Variants in NPAS3 observed in about 807,000 individuals in gnomAD.
The protein encoded by NPAS3 is neuronal PAS domain protein 3.
In NPAS3, 14 loss-of-function variants were observed where a neutral mutation model predicts 73.1. The ratio of observed to expected loss-of-function variants is 0.19; its 90% CI spans 0.13 to 0.30. The LOEUF (loss-of-function observed/expected upper bound fraction) is 0.30, where lower values mean the gene tolerates loss of function less well. Ranked by LOEUF, NPAS3 falls within the 10% of genes least tolerant of loss-of-function variation. The probability of loss-of-function intolerance (pLI) is 1.00; values close to 1 mark genes in which losing one functional copy is unlikely to be tolerated. For synonymous variants in NPAS3, 620 were observed against 541.5 expected, an observed-to-expected ratio of 1.14 and a Z score of -2.01; for missense variants, 1,096 against 1,250.0, an observed-to-expected ratio of 0.88 and a Z score of 1.86.
intron 6 of NPAS3, among the ~76,000 whole-genome samples, chr14:33,705,499 T>A (rs112348280): frequency 6.6e-6 from 1 of 152,234 alleles, no homozygotes. Context: ...AATCGGCTAC[T>A]GTATTTAAAT....
chr14:33,478,308 A>G (rs1268157909), intron 4 of NPAS3, among the ~76,000 whole-genome samples: 2 of 152,158 alleles, frequency 1.3e-5, no homozygotes, highest in Non-Finnish European at 1.5e-5. Flanking sequence ...ACTTTAGTAA[A>G]GCATCAAAAG....
At chr14:33,593,052 G>A (rs2139954815) in intron 5 of NPAS3, among the ~76,000 whole-genome samples, 1 of 152,198 alleles carries the variant, frequency 6.6e-6, no homozygotes, top group African/African-American at 2.4e-5. Flanking sequence ...CCCATTTATA[G>A]TAGTGGGCTT....
intron 4 of NPAS3, among the ~76,000 whole-genome samples, chr14:33,379,271 A>G (rs1246831857): frequency 6.6e-6 from 1 of 151,836 alleles, no homozygotes; most frequent in Non-Finnish European, 1.5e-5. Flanking sequence ...ACTTCAAAAC[A>G]CTTCTGGTTC....
intron 7 of NPAS3, among the ~76,000 whole-genome samples, chr14:33,735,649 C>A (rs78929945): frequency 6.6e-6 from 1 of 152,202 alleles, no homozygotes; most frequent in African/African-American, 2.4e-5. Flanking sequence ...TATCAGTCCT[C>A]AAGACGAGTG....
chr14:33,397,652 T>C (rs1269087585), intron 4 of NPAS3, among the ~76,000 whole-genome samples: 2 of 152,186 alleles, frequency 1.3e-5, no homozygotes, highest in East Asian at 3.8e-4. Context: ...TTATTTCAGT[T>C]GGTTCTCCCA....
chr14:33,456,184 G>C (rs1015862601), intron 4 of NPAS3, among the ~76,000 whole-genome samples: 26 of 152,206 alleles, frequency 1.7e-4, no homozygotes, highest in South Asian at 6.2e-4. Context: ...AGATTTATTA[G>C]TCAGAGTGCC....
intron 5 of NPAS3, among the ~76,000 whole-genome samples, chr14:33,660,580 A>G (rs909484691): frequency 6.6e-6 from 1 of 152,220 alleles, no homozygotes; most frequent in Admixed American, 6.6e-5. Context: ...TTTAAGAGCT[A>G]TGTATTTATT....
chr14:33,288,504 T>C (rs1344211781), intron 3 of NPAS3, among the ~76,000 whole-genome samples: 1 of 152,118 alleles, frequency 6.6e-6, no homozygotes, highest in Non-Finnish European at 1.5e-5. Context: ...CAAAAATCCA[T>C]TCTATACAAC....
intron 2 of NPAS3, among the ~76,000 whole-genome samples, chr14:33,097,321 TTA>T (rs1368914699): frequency 6.6e-6 from 1 of 152,272 alleles, no homozygotes. Flanking sequence ...ATGTAATCAT[TTA>T]TGTTTGACTT....
At chr14:33,522,075 T>C (rs1469071489) in intron 4 of NPAS3, among the ~76,000 whole-genome samples, 2 of 152,182 alleles carry the variant, frequency 1.3e-5, no homozygotes, top group Non-Finnish European at 2.9e-5. Context: ...AAATTTAATA[T>C]GGTTTAGAAG....
chr14:33,395,938 T>G (rs1047822900), intron 4 of NPAS3, among the ~76,000 whole-genome samples: 5 of 152,164 alleles, frequency 3.3e-5, no homozygotes, highest in Admixed American at 2.0e-4. Flanking sequence ...GGCCCAGCGG[T>G]TCCTTCCTAG....
chr14:33,578,413 G>T, intron 5 of NPAS3: 1 of 351,780 alleles, frequency 2.8e-6, no homozygotes, highest in Non-Finnish European at 5.5e-6. Flanking sequence ...AGGGTGGTCT[G>T]GAACTCAAAA....
chr14:33,595,540 G>A (rs867408075), intron 5 of NPAS3, among the ~76,000 whole-genome samples: 43 of 152,020 alleles, frequency 2.8e-4, no homozygotes, highest in Admixed American at 1.2e-3. Flanking sequence ...TAGAACATAT[G>A]CATGTAAAAT....
At chr14:33,256,170 A>C (rs1431063813) in intron 3 of NPAS3, among the ~76,000 whole-genome samples, 2 of 152,326 alleles carry the variant, frequency 1.3e-5, no homozygotes, top group East Asian at 3.9e-4. Context: ...AGTTTCGTGT[A>C]AGAGAACCGG....
At chr14:33,202,807 G>C (rs1272848119) in intron 2 of NPAS3, among the ~76,000 whole-genome samples, 2 of 151,242 alleles carry the variant, frequency 1.3e-5, no homozygotes, top group East Asian at 3.9e-4. Flanking sequence ...TCATTAGTCT[G>C]CATTATTTCA....
intron 7 of NPAS3, among the ~76,000 whole-genome samples, chr14:33,767,745 C>T (rs894621153): frequency 2.6e-5 from 4 of 152,046 alleles, no homozygotes; most frequent in African/African-American, 9.7e-5. Context: ...ATTACTAGAA[C>T]TGAGATTTAT....
chr14:33,604,327 C>T (rs2057489553), intron 5 of NPAS3, among the ~76,000 whole-genome samples: 1 of 150,884 alleles, frequency 6.6e-6, no homozygotes, highest in South Asian at 2.1e-4. Flanking sequence ...ATGAAAAAAA[C>T]TGTACTGTGT....
At chr14:33,568,214 A>T (rs1299823051) in intron 5 of NPAS3, among the ~76,000 whole-genome samples, 1 of 152,206 alleles carries the variant, frequency 6.6e-6, no homozygotes, top group East Asian at 1.9e-4. Context: ...ACTGAGCAAA[A>T]GTAAGATTAA....
chr14:33,325,384 G>A (rs1009191644), intron 3 of NPAS3, among the ~76,000 whole-genome samples: 3 of 152,152 alleles, frequency 2.0e-5, no homozygotes, highest in East Asian at 3.9e-4. Flanking sequence ...GCTCACGCCT[G>A]TAATCCCAAT....
Sources: allele counts gnomAD v4.1 joint callset (sites outside exome capture counted in the v4.1 genomes callset), GRCh38; gene constraint gnomAD v4.1.1; transcripts MANE v1.5; gene names NCBI Gene and HGNC (gene_info 2026-07-23, HGNC 2026-07-21).